The following ZNF143 variants were observed in gnomAD, a reference collection of about 807,000 sequenced individuals.
ZNF143 encodes SPH-binding factor.
ZNF143 carries 49 observed loss-of-function variants against 74.1 expected under a neutral mutation model. The observed-to-expected ratio is 0.66, with a 90% CI of 0.53 to 0.84. The LOEUF (loss-of-function observed/expected upper bound fraction) is 0.84, where lower values mean the gene tolerates loss of function less well. Among genes scored for constraint, ZNF143 ranks in the 40% least tolerant of loss-of-function variants. The pLI, the probability that ZNF143 is intolerant of heterozygous loss-of-function variation, is 0.00. For missense variants in ZNF143, 637 were observed against 793.4 expected, an observed-to-expected ratio of 0.80 and a Z score of 2.37; for synonymous variants, 304 against 282.8, an observed-to-expected ratio of 1.07 and a Z score of -0.75.
At chr11:9,487,579 G>A (rs868050323) in intron 7 of ZNF143, among the ~76,000 whole-genome samples, 15 of 152,028 alleles carry the variant, frequency 9.9e-5, no homozygotes, top group South Asian at 8.3e-4. Flanking sequence ...GGATGGTCTC[G>A]ATCTCCTGAC....
intron 7 of ZNF143, among the ~76,000 whole-genome samples, chr11:9,487,991 A>T (rs1847626607): frequency 6.6e-6 from 1 of 151,902 alleles, no homozygotes; most frequent in Admixed American, 6.6e-5. Flanking sequence ...TGTTTTTATG[A>T]CTTCTTTCCT....
intron 5 of ZNF143, among the ~76,000 whole-genome samples, chr11:9,476,813 G>C (rs1222865368): frequency 8.7e-6 from 1 of 114,868 alleles, no homozygotes; most frequent in African/African-American, 3.3e-5. Context: ...AGTCTGGAGT[G>C]CAGTGGTGCG....
chr11:9,474,869 A>G (rs1856786728), intron 5 of ZNF143, among the ~76,000 whole-genome samples: 1 of 152,214 alleles, frequency 6.6e-6, no homozygotes, highest in Non-Finnish European at 1.5e-5. Context: ...CTTAAAGTAG[A>G]GGCCACATTT....
chr11:9,484,520 C>T (rs960292087), intron 7 of ZNF143, among the ~76,000 whole-genome samples: 2 of 149,822 alleles, frequency 1.3e-5, no homozygotes, highest in Admixed American at 6.6e-5. Flanking sequence ...CAGCCTGAAC[C>T]TTGCTTTTCT....
intron 7 of ZNF143, among the ~76,000 whole-genome samples, chr11:9,488,026 C>A (rs778509004): frequency 6.6e-6 from 1 of 152,180 alleles, no homozygotes. Context: ...ATACAAACTT[C>A]TTTTGGGCTC....
intron 11 of ZNF143, among the ~76,000 whole-genome samples, chr11:9,502,257 TTTTTTTTTGG>T (rs1848193204): frequency 7.0e-6 from 1 of 142,240 alleles, no homozygotes; most frequent in Non-Finnish European, 1.5e-5. Flanking sequence ...TTTTTTTTTT[TTTTTTTTTGG>T]GAAACTGCTT....
intron 7 of ZNF143, among the ~76,000 whole-genome samples, chr11:9,493,640 C>T (rs1292113188): frequency 6.6e-6 from 1 of 152,086 alleles, no homozygotes; most frequent in African/African-American, 2.4e-5. Flanking sequence ...CTTTCTCTGC[C>T]TTTACCGTTC....
chr11:9,486,435 A>AT (rs1312476638), intron 7 of ZNF143, among the ~76,000 whole-genome samples: 33 of 46,574 alleles, frequency 7.1e-4, no homozygotes, highest in African/African-American at 2.3e-3. Context: ...TATATTATAT[A>AT]TATAATATAT....
At position 9,494,751 on chromosome 11, in the gene ZNF143, G is replaced by A; in HGVS notation, c.751G>A (p.Ala251Thr). ...TGGATGTGGAAAATTATATACAACA[G>A]CTCATCATCTCAAGGTATATATAAA... ...YDGCGKLYTT[A>T]HHLKVHERSH... The change falls in exon 8 of 16, where the codon GCT (alanine) becomes ACT (threonine). Residue 251 changes from alanine to threonine, a missense_variant. Around this residue, in one of 2 missense-constraint regions of ZNF143, gnomAD observed 293 missense variants for 307.8 expected, o/e 0.95. Coordinates refer to ENST00000396602, the MANE Select transcript of ZNF143 (RefSeq NM_003442.6). The A allele has an allele frequency of 6.2e-7, 1 of 1,609,604 alleles. No individual in the cohort carries two copies. Among genetic ancestry groups the A allele is most frequent in the Non-Finnish European group, 8.5e-7 (1 of 1,176,042 alleles).
chr11:9,517,754 C>T (rs578185144), intron 14 of ZNF143, among the ~76,000 whole-genome samples: 1 of 152,082 alleles, frequency 6.6e-6, no homozygotes, highest in African/African-American at 2.4e-5. Context: ...TGGTCTCATA[C>T]ACCCTGAAAT....
intron 1 of ZNF143, among the ~76,000 whole-genome samples, chr11:9,462,686 CAACGTGGTGA>C (rs1855939915): frequency 6.6e-6 from 1 of 152,074 alleles, no homozygotes; most frequent in Admixed American, 6.6e-5. Flanking sequence ...CCAGTCTGGT[CAACGTGGTGA>C]AACCCCCGTC....
At chr11:9,474,381 T>G (rs1017346549) in intron 4 of ZNF143, among the ~76,000 whole-genome samples, 169 bp from the exon 5 acceptor site, 1 of 152,230 alleles carries the variant, frequency 6.6e-6, no homozygotes, top group Non-Finnish European at 1.5e-5. Context: ...TTTTTACCTT[T>G]AAACACTGAC....
At chr11:9,517,897 A>G (rs1848777680) in intron 14 of ZNF143, among the ~76,000 whole-genome samples, 1 of 152,204 alleles carries the variant, frequency 6.6e-6, no homozygotes, top group Non-Finnish European at 1.5e-5. Context: ...CTTAATCAAA[A>G]TTAATTCTGC....
intron 3 of ZNF143, 59 bp downstream of exon 3, chr11:9,472,828 G>T: frequency 7.5e-7 from 1 of 1,324,872 alleles, no homozygotes. Flanking sequence ...CTGTGAGTTG[G>T]AGCACCTAGA....
rs145870039 is a variant in ZNF143, at chr11:9,514,905, G to C, written c.1525-1296G>C. Reference sequence around the variant, plus strand: ...GCACTTTGAGAGGCCAAGGCAGGCGGATCACCTGAGGTCAGGAGTTTGAGA... The same window carrying C: ...GCACTTTGAGAGGCCAAGGCAGGCGCATCACCTGAGGTCAGGAGTTTGAGA... On this transcript the variant is annotated intron_variant, in intron 13 of 15. Coordinates refer to ENST00000396602, the MANE Select transcript of ZNF143 (RefSeq NM_003442.6). 2.3e-3 allele frequency among the ~76,000 whole-genome samples: 357 copies of C among 152,318 alleles called. 7 individuals carry two copies. Among genetic ancestry groups the C allele is most frequent in the African/African-American group, 8.0e-3 (333 of 41,566 alleles).
intron 5 of ZNF143, among the ~76,000 whole-genome samples, chr11:9,476,935 AT>A (rs896053140): frequency 2.4e-4 from 36 of 146,956 alleles, no homozygotes; most frequent in African/African-American, 8.3e-4. Context: ...AATTTTTTGT[AT>A]TTTTTTTAGT....
chr11:9,483,905 A>G (rs1847351513), intron 7 of ZNF143, among the ~76,000 whole-genome samples: 1 of 151,016 alleles, frequency 6.6e-6, no homozygotes, highest in South Asian at 2.1e-4. Flanking sequence ...ACATGCTACC[A>G]TGCACAGCTG....
At chr11:9,483,750 CTTTTT>C (rs753979043) in intron 7 of ZNF143, among the ~76,000 whole-genome samples, 3 of 124,882 alleles carry the variant, frequency 2.4e-5, no homozygotes, top group Non-Finnish European at 3.4e-5. Context: ...GGCCGGAATT[CTTTTT>C]TTTTTTTTTT....
chr11:9,463,614 G>T (rs1378457920), intron 1 of ZNF143, among the ~76,000 whole-genome samples: 1 of 152,168 alleles, frequency 6.6e-6, no homozygotes, highest in Non-Finnish European at 1.5e-5. Flanking sequence ...CCATTTTAAA[G>T]TTGGATTATT....
Sources: allele counts gnomAD v4.1 joint callset (sites outside exome capture counted in the v4.1 genomes callset), GRCh38; gene constraint gnomAD v4.1.1; regional missense constraint gnomAD v4.1.1; transcripts MANE v1.5; gene names NCBI Gene and HGNC (gene_info 2026-07-23, HGNC 2026-07-21).